Variants in RNASEH2B observed in about 807,000 individuals in gnomAD.
RNASEH2B encodes the protein ribonuclease H2 subunit B, also known as Aicardi-Goutieres syndrome 2 protein.
A neutral mutation model predicts 45.0 loss-of-function variants in RNASEH2B; 36 were observed. The ratio of observed to expected loss-of-function variants is 0.80; its 90% CI spans 0.61 to 1.06. The LOEUF is 1.06. Ranked by LOEUF, RNASEH2B falls within the 50% of genes least tolerant of loss-of-function variation. The pLI is 0.00. For missense variants in RNASEH2B, 361 were observed against 360.3 expected, an observed-to-expected ratio of 1.00 and a Z score of -0.02; for synonymous variants, 119 against 125.7, an observed-to-expected ratio of 0.95 and a Z score of 0.35.
Position 50,953,964 on chromosome 13 carries a change from TA to T in RNASEH2B, c.804del (p.Asp269IlefsTer2). 6.2e-7 allele frequency: 1 copy of T among 1,603,788 alleles called. No individual in the cohort carries two copies. The highest frequency in any genetic ancestry group is 8.5e-7 in the Non-Finnish European group (1 of 1,170,678). ...AKEDYTKFNT[K>X]DLKTEKKNSK... Reference sequence around the variant, plus strand: ...AAGAAGATTACACTAAGTTTAATACTAAAGATTTGAAGACTGAAAAGGTATG... The same window carrying T: ...AAGAAGATTACACTAAGTTTAATACTAAGATTTGAAGACTGAAAAGGTATG... On this transcript the variant is annotated frameshift_variant, in exon 10 of 11. Transcript: ENST00000336617. LOFTEE classifies it high-confidence loss of function.
At chr13:50,968,926 A>G (rs1260067136) in intron 9 of RNASEH2B, among the ~76,000 whole-genome samples, 1 of 152,242 alleles carries the variant, frequency 6.6e-6, no homozygotes, top group Non-Finnish European at 1.5e-5. Flanking sequence ...GGACTTTAAA[A>G]TAATTGTTAC....
At chr13:50,930,125 C>G (rs1951657816) in intron 3 of RNASEH2B, 1 of 214,038 alleles carries the variant, frequency 4.7e-6, no homozygotes, top group Non-Finnish European at 9.4e-6. Context: ...GAAGAGTAGG[C>G]CAACGGAACT....
Position 50,946,485 on chromosome 13 carries a change from A to G in RNASEH2B, c.616+953A>G, listed in dbSNP as rs73499745. On this transcript the variant is annotated intron_variant, in intron 7 of 10. Coordinates refer to ENST00000336617, the MANE Select transcript of RNASEH2B (RefSeq NM_024570.4). ...TTGCCATACTGAGTTACCAGCTGTC[A>G]GTGTCTTTAATTGGCTTTAACAATA... Among the ~76,000 whole-genome samples the G allele has an allele frequency of 6.1e-3, 929 of 152,298 alleles. 9 individuals are homozygous for G. Among genetic ancestry groups the G allele is most frequent in the African/African-American group, 0.021 (885 of 41,584 alleles).
chr13:50,920,837 A>G (rs544629235), intron 1 of RNASEH2B, among the ~76,000 whole-genome samples: 72 of 152,324 alleles, frequency 4.7e-4, no homozygotes, highest in African/African-American at 1.6e-3. Context: ...TTTATTGAGT[A>G]TATCTCATGT....
chr13:50,936,993 A>G (rs539782479), intron 5 of RNASEH2B: 6 of 152,114 alleles, frequency 3.9e-5, no homozygotes, highest in Non-Finnish European at 8.8e-5. Context: ...TAGCCTTTAT[A>G]TTTGCCAGAT....
chr13:50,949,274 T>C (rs1951945326), intron 8 of RNASEH2B, 189 bp from the exon 9 acceptor site: 2 of 592,692 alleles, frequency 3.4e-6, no homozygotes, highest in South Asian at 2.1e-5. Flanking sequence ...AGGACTTACA[T>C]ATCAAAATAA....
intron 9 of RNASEH2B, chr13:50,950,644 G>C (rs77007792): frequency 6.6e-6 from 1 of 152,082 alleles, no homozygotes; most frequent in African/African-American, 2.4e-5. Context: ...GGTTCTCAGC[G>C]TGCTTCTTAT....
intron 4 of RNASEH2B, chr13:50,934,561 C>T: frequency 2.7e-6 from 1 of 372,646 alleles, no homozygotes. Flanking sequence ...TGGGTTGGAC[C>T]ATCCCCAGGC....
intron 8 of RNASEH2B, chr13:50,948,848 G>C (rs1951939718): frequency 6.6e-6 from 1 of 152,112 alleles, no homozygotes; most frequent in Non-Finnish European, 1.5e-5. Context: ...ATTGGAAACT[G>C]GTTTCTATAA....
chr13:50,944,057 G>A (rs1411776744), intron 6 of RNASEH2B, among the ~76,000 whole-genome samples: 3 of 144,468 alleles, frequency 2.1e-5, no homozygotes, highest in Admixed American at 2.1e-4. Flanking sequence ...GACGGGATGG[G>A]ATGGGACGGG....
At chr13:50,929,962 A>G (rs989795358) in intron 3 of RNASEH2B, among the ~76,000 whole-genome samples, 3 of 152,226 alleles carry the variant, frequency 2.0e-5, no homozygotes, top group Admixed American at 1.3e-4. Flanking sequence ...GGCTTCTAAC[A>G]TAGGCTAGAG....
intron 1 of RNASEH2B, among the ~76,000 whole-genome samples, chr13:50,918,133 A>ATATTTATT (rs1180866537): frequency 1.3e-5 from 2 of 151,784 alleles, no homozygotes; most frequent in Non-Finnish European, 2.9e-5. Flanking sequence ...TCTAATTTTT[A>ATATTTATT]TATTTATTTA....
At chr13:50,937,810 C>T (rs1951775654) in intron 5 of RNASEH2B, 1 of 152,172 alleles carries the variant, frequency 6.6e-6, no homozygotes, top group African/African-American at 2.4e-5. Context: ...CCAAGGGCAT[C>T]TATGGCAAAC....
At chr13:50,949,375 G>C in intron 8 of RNASEH2B, 88 bp from the exon 9 acceptor site, 2 of 1,132,840 alleles carry the variant, frequency 1.8e-6, no homozygotes, top group Non-Finnish European at 2.7e-6. Context: ...TGAAAAGTAG[G>C]ACTTACTAAG....
chr13:50,949,562 C>A, intron 9 of RNASEH2B, 57 bp downstream of exon 9: 1 of 1,458,008 alleles, frequency 6.9e-7, no homozygotes, highest in Non-Finnish European at 9.6e-7. Flanking sequence ...TACACTCTTA[C>A]CACATGAGTT....
chr13:50,917,955 A>G (rs542694866), intron 1 of RNASEH2B, among the ~76,000 whole-genome samples: 8 of 152,134 alleles, frequency 5.3e-5, no homozygotes, highest in Non-Finnish European at 2.9e-5. Context: ...TCCATGCTCC[A>G]TCTCAGTATG....
At chr13:50,923,858 A>G (rs895308224) in intron 1 of RNASEH2B, among the ~76,000 whole-genome samples, 8 of 152,240 alleles carry the variant, frequency 5.3e-5, no homozygotes, top group Non-Finnish European at 8.8e-5. Flanking sequence ...CAGGCTTATA[A>G]TATGTAAAGA....
At chr13:50,929,733 A>G in intron 3 of RNASEH2B, 151 bp downstream of exon 3, 1 of 668,186 alleles carries the variant, frequency 1.5e-6, no homozygotes, top group Non-Finnish European at 2.7e-6. Flanking sequence ...ATCAAGGAGA[A>G]AGGAAAGATC....
At chr13:50,920,515 A>ATAT (rs1951510390) in intron 1 of RNASEH2B, among the ~76,000 whole-genome samples, 1 of 152,234 alleles carries the variant, frequency 6.6e-6, no homozygotes, top group African/African-American at 2.4e-5. Context: ...GAAGTTTAAC[A>ATAT]TATTATTAAA....
Sources: gnomAD v4.1 joint callset for allele counts (sites outside exome capture counted in the v4.1 genomes callset) on GRCh38, gnomAD v4.1.1 for gene constraint, MANE v1.5 for transcripts, NCBI Gene and HGNC (gene_info 2026-07-23, HGNC 2026-07-21) for gene names.